ARHGEF33: variants seen among roughly 807,000 people sequenced by gnomAD.
ARHGEF33 encodes Rho guanine nucleotide exchange factor 33, also known as DH and coiled-coil domain-containing protein ENSP00000381780.
In ARHGEF33, 72 loss-of-function variants were observed where a neutral mutation model predicts 101.9. The ratio of observed to expected loss-of-function variants is 0.71; its 90% CI spans 0.58 to 0.86. The LOEUF is 0.86. ARHGEF33 is among the 40% of genes least tolerant of loss of function. ARHGEF33 has a pLI of 0.00. For synonymous variants in ARHGEF33, 499 were observed against 442.5 expected (o/e 1.13, Z -1.60); for missense variants, 1,169 against 1,111.3 (o/e 1.05, Z -0.74).
rs1427056212 is a variant in ARHGEF33 at position 38,958,052 on chromosome 2, G to A, written c.1389G>A (p.Leu463=). 7 of 1,552,190 alleles carry A rather than the reference G, an allele frequency of 4.5e-6. No individual in the cohort carries two copies. The highest frequency in any genetic ancestry group is 6.1e-6 in the Non-Finnish European group (7 of 1,147,150). Residue 463 remains leucine (L), a synonymous_variant, in exon 15 of 18, where the codon CTG becomes CTA. Coordinates refer to ENST00000409978, the MANE Select transcript of ARHGEF33 (RefSeq NM_001145451.5). ...CTGTTAGGTCATCCATGGCGAAGCT[G>A]TACAAAGGGCTGGCTTCCCAGTGTG... ...KKLKKSSMAK[L]YKGLASQCAN...
At chr2:38,935,702 G>C in intron 7 of ARHGEF33, 73 bp from the exon 8 acceptor site, 1 of 1,262,316 alleles carries the variant, frequency 7.9e-7, no homozygotes, top group Non-Finnish European at 1.1e-6. Flanking sequence ...TGCCCCCAGT[G>C]CCAGGCTCGT....
At chr2:38,898,972 T>C (rs1260476908) in intron 2 of ARHGEF33, among the ~76,000 whole-genome samples, 1 of 152,250 alleles carries the variant, frequency 6.6e-6, no homozygotes, top group African/African-American at 2.4e-5. Context: ...AGCCAAAATT[T>C]ACAATTTGGG....
At chr2:38,947,795 C>T (rs1250781855) in intron 10 of ARHGEF33, among the ~76,000 whole-genome samples, 1 of 152,086 alleles carries the variant, frequency 6.6e-6, no homozygotes, top group East Asian at 1.9e-4. Context: ...AGTGCTGTGT[C>T]CACCAAGAGC....
chr2:38,951,173 C>T (rs775131530), intron 11 of ARHGEF33, 52 bp downstream of exon 11: 13 of 1,512,252 alleles, frequency 8.6e-6, no homozygotes, highest in Non-Finnish European at 1.2e-5. Context: ...ATTTGTGTCT[C>T]ATTTGTCTAC....
chr2:38,933,462 C>T (rs555852344), intron 7 of ARHGEF33, among the ~76,000 whole-genome samples: 9 of 152,208 alleles, frequency 5.9e-5, no homozygotes, highest in African/African-American at 2.2e-4. Flanking sequence ...CGGCTCACTG[C>T]AACCTCCACC....
rs1485460044 is a variant in ARHGEF33 at position 38,953,362 on chromosome 2, G to T, written c.1137+117G>T. The T allele has an allele frequency of 1.4e-5, 9 of 662,720 alleles. No homozygotes were observed. In the Admixed American group the frequency reaches 1.6e-4, roughly 12 times the overall value. The allele number at this position is 662,720 out of a possible 1,614,324, so 41.1% of individuals were successfully genotyped here. A position where few individuals can be genotyped will look rare whatever the true frequency, so the allele number is the denominator to read the frequency against. On this transcript the variant is annotated intron_variant, in intron 12 of 17. Transcript: ENST00000409978. ...TGCTTTCTAGGCTGGGGAATGGCCT[G>T]AACACAGCCACTAATACCACTACCT...
In ARHGEF33 at chr2:38,925,518, A is replaced by G. The variant is rs142957324; in HGVS notation, c.76-3389A>G. ...ATGTCAGTCTCAGTAAGGCCCTGCAAGAATGATTTGAAGGGTCAGCTTCTG... is the reference window on the plus strand; with the variant it reads ...ATGTCAGTCTCAGTAAGGCCCTGCAGGAATGATTTGAAGGGTCAGCTTCTG... On this transcript the variant is annotated intron_variant, in intron 4 of 17. Coordinates refer to ENST00000409978, the MANE Select transcript of ARHGEF33 (RefSeq NM_001145451.5). Among the ~76,000 whole-genome samples, 939 of 152,310 alleles carry G rather than the reference A, an allele frequency of 6.2e-3. 11 individuals carry two copies. Among genetic ancestry groups the G allele is most frequent in the African/African-American group, 0.021 (878 of 41,558 alleles).
chr2:38,909,312 T>C (rs975736359), intron 2 of ARHGEF33, among the ~76,000 whole-genome samples: 4 of 152,084 alleles, frequency 2.6e-5, no homozygotes, highest in East Asian at 1.9e-4. Context: ...AATTCTTTTA[T>C]TTATTTCATT....
At chr2:38,934,868 A>C (rs1221486041) in intron 7 of ARHGEF33, among the ~76,000 whole-genome samples, 1 of 151,914 alleles carries the variant, frequency 6.6e-6, no homozygotes, top group African/African-American at 2.4e-5. Flanking sequence ...TGTAATTTTA[A>C]ATAGAGTGCC....
intron 2 of ARHGEF33, among the ~76,000 whole-genome samples, chr2:38,907,986 C>T (rs72913143): frequency 0.023 from 3,479 of 151,198 alleles, 119 homozygotes; most frequent in African/African-American, 0.069. Context: ...AGCCTCTCAA[C>T]TTGCTGGGAC....
intron 17 of ARHGEF33, chr2:38,972,019 A>C (rs1668175839): frequency 1.4e-6 from 1 of 704,024 alleles, no homozygotes; most frequent in East Asian, 2.7e-5. Flanking sequence ...AGATGTAGCT[A>C]AGAGGGGAAA....
intron 2 of ARHGEF33, among the ~76,000 whole-genome samples, chr2:38,909,100 C>T (rs1486303637): frequency 6.6e-6 from 1 of 152,122 alleles, no homozygotes; most frequent in Admixed American, 6.5e-5. Context: ...TGCTCACAGT[C>T]TGGGGAGTGG....
At chr2:38,924,064 T>G (rs1327566180) in intron 4 of ARHGEF33, among the ~76,000 whole-genome samples, 3 of 152,106 alleles carry the variant, frequency 2.0e-5, no homozygotes, top group Non-Finnish European at 4.4e-5. Context: ...AAGGTTTAAT[T>G]ATAAATAAGT....
At chr2:38,957,841 G>C in intron 14 of ARHGEF33, 193 bp from the exon 15 acceptor site, 1 of 607,088 alleles carries the variant, frequency 1.6e-6, no homozygotes, top group East Asian at 2.9e-5. Flanking sequence ...TTCAGCCAGT[G>C]AATCAGCTTC....
At chr2:38,948,735 C>T (rs1667514688) in intron 10 of ARHGEF33, among the ~76,000 whole-genome samples, 1 of 152,262 alleles carries the variant, frequency 6.6e-6, no homozygotes, top group African/African-American at 2.4e-5. Context: ...AGGACTATTA[C>T]ACAAAGTCAT....
intron 17 of ARHGEF33, among the ~76,000 whole-genome samples, chr2:38,967,645 G>A (rs1290804506): frequency 1.3e-5 from 2 of 152,062 alleles, no homozygotes; most frequent in African/African-American, 2.4e-5. Flanking sequence ...GCGCAATCTC[G>A]GTTCACTGCA....
intron 4 of ARHGEF33, among the ~76,000 whole-genome samples, chr2:38,924,271 T>G (rs1418430148): frequency 6.6e-6 from 1 of 152,160 alleles, no homozygotes; most frequent in Non-Finnish European, 1.5e-5. Flanking sequence ...TTCTGGTGAA[T>G]GTGTGTAATT....
chr2:38,955,164 T>C (rs1667707900), intron 13 of ARHGEF33, among the ~76,000 whole-genome samples: 1 of 152,216 alleles, frequency 6.6e-6, no homozygotes, highest in Non-Finnish European at 1.5e-5. Flanking sequence ...CTATCCTGAC[T>C]ACTTTCTTTT....
intron 16 of ARHGEF33, among the ~76,000 whole-genome samples, chr2:38,962,649 T>G (rs1301623127): frequency 6.6e-6 from 1 of 152,014 alleles, no homozygotes; most frequent in Non-Finnish European, 1.5e-5. Flanking sequence ...ATCATTAAAA[T>G]TTTCAAGCAT....
Sources: gnomAD v4.1 joint callset for allele counts (sites outside exome capture counted in the v4.1 genomes callset) on GRCh38, gnomAD v4.1.1 for gene constraint, MANE v1.5 for transcripts, NCBI Gene and HGNC (gene_info 2026-07-23, HGNC 2026-07-21) for gene names.